SH3RF3: variants seen among roughly 807,000 people sequenced by gnomAD.
The protein encoded by SH3RF3 is SH3 domain containing ring finger 3, also known as E3 ubiquitin-protein ligase SH3RF3.
SH3RF3 carries 29 observed loss-of-function variants against 66.3 expected under a neutral mutation model. The ratio of observed to expected loss-of-function variants is 0.44; its 90% CI spans 0.33 to 0.60. The LOEUF is 0.60. SH3RF3 is among the 20% of genes least tolerant of loss of function. SH3RF3 has a pLI of 0.04. For synonymous variants in SH3RF3, 583 were observed against 532.0 expected (o/e 1.10, Z -1.32); for missense variants, 1,194 against 1,190.9 (o/e 1.00, Z -0.04).
chr2:109,413,242 G>A (rs577433618), intron 4 of SH3RF3, among the ~76,000 whole-genome samples: 4 of 152,202 alleles, frequency 2.6e-5, no homozygotes, highest in Non-Finnish European at 5.9e-5. Flanking sequence ...AGCCTCCCAA[G>A]TAACTGGGAT....
intron 3 of SH3RF3, among the ~76,000 whole-genome samples, chr2:109,391,556 G>A (rs1675997762): frequency 6.6e-6 from 1 of 152,246 alleles, no homozygotes; most frequent in Non-Finnish European, 1.5e-5. Flanking sequence ...CTCCTCCAGG[G>A]TAGAAGCCTC....
chr2:109,146,127 T>C (rs1364655289), intron 1 of SH3RF3, among the ~76,000 whole-genome samples: 1 of 152,214 alleles, frequency 6.6e-6, no homozygotes, highest in African/African-American at 2.4e-5. Flanking sequence ...GTGTCACCAC[T>C]GTTACTGTTC....
chr2:109,385,596 G>C lies in SH3RF3; in HGVS notation c.946-12994G>C, dbSNP rs7605559. Among the ~76,000 whole-genome samples, 3 of 152,062 alleles carry C rather than the reference G, an allele frequency of 2.0e-5. No individual in the cohort carries two copies. In the East Asian group the frequency reaches 5.8e-4, roughly 29 times the overall value. ...AAGGAGCCTGTTTGAAATAATCAGC[G>C]CTTTTGGGAAAGGGACAACCAGTGT... On this transcript the variant is annotated intron_variant, in intron 3 of 9. Transcript: ENST00000309415.
chr2:109,235,804 G>T (rs1443138135), intron 1 of SH3RF3, among the ~76,000 whole-genome samples: 2 of 152,140 alleles, frequency 1.3e-5, no homozygotes, highest in African/African-American at 4.8e-5. Context: ...TCATCTTCAC[G>T]TGCACTCGGC....
At chr2:109,137,071 T>C (rs1175182728) in intron 1 of SH3RF3, among the ~76,000 whole-genome samples, 1 of 152,220 alleles carries the variant, frequency 6.6e-6, no homozygotes, top group Non-Finnish European at 1.5e-5. Context: ...CTATTTATAA[T>C]GAAATGTAAT....
In SH3RF3 at chr2:109,417,764, C is replaced by T. The variant is rs886669798; in HGVS notation, c.1300-1775C>T. On this transcript the variant is annotated intron_variant, in intron 4 of 9. Coordinates refer to ENST00000309415, the MANE Select transcript of SH3RF3 (RefSeq NM_001099289.3). ...AAGAAATCGTTTCTGACTTTGTAGA[C>T]ACTGCCCATGTAGCATGGTTTCAGG... is the stretch of plus-strand genomic sequence containing the variant. Among the ~76,000 whole-genome samples, 15 of 152,162 alleles carry T rather than the reference C, an allele frequency of 9.9e-5. No individual in the cohort carries two copies. The South Asian group carries it at 3.1e-3, about 32-fold the overall frequency.
chr2:109,205,011 C>T (rs529256725), intron 1 of SH3RF3, among the ~76,000 whole-genome samples: 33 of 152,120 alleles, frequency 2.2e-4, no homozygotes, highest in Middle Eastern at 3.4e-3. Context: ...AGGTTGAGAC[C>T]GGCCTGGTCA....
chr2:109,472,444 C>T (rs1041557142), intron 8 of SH3RF3, among the ~76,000 whole-genome samples: 5 of 152,086 alleles, frequency 3.3e-5, no homozygotes, highest in Non-Finnish European at 4.4e-5. Context: ...CGGGGCTTCC[C>T]GACGGGGCTT....
chr2:109,366,435 G>A (rs55944430), intron 2 of SH3RF3, among the ~76,000 whole-genome samples: 2,903 of 152,224 alleles, frequency 0.019, 89 homozygotes, highest in African/African-American at 0.066. Flanking sequence ...AGTGTGGTGA[G>A]TTCACTACCA....
rs1016906664 is a variant in SH3RF3 at position 109,130,529 on chromosome 2, T to C, written c.573+416T>C. ...CTTAACGTTTCTGACAGGGCTCTGATGGCTGCTCTGGGAAGCCCGCGGGCC... is the reference window on the plus strand; with the variant it reads ...CTTAACGTTTCTGACAGGGCTCTGACGGCTGCTCTGGGAAGCCCGCGGGCC... On this transcript the variant is annotated intron_variant, in intron 1 of 9. Coordinates refer to ENST00000309415, the MANE Select transcript of SH3RF3 (RefSeq NM_001099289.3). Among the ~76,000 whole-genome samples, 39 of 152,116 alleles carry C rather than the reference T, an allele frequency of 2.6e-4. 1 individual carries two copies. Among genetic ancestry groups the C allele is most frequent in the African/African-American group, 9.4e-4 (39 of 41,422 alleles).
At chr2:109,325,622 C>T (rs1365371229) in intron 1 of SH3RF3, among the ~76,000 whole-genome samples, 1 of 152,154 alleles carries the variant, frequency 6.6e-6, no homozygotes, top group Non-Finnish European at 1.5e-5. Context: ...ACTCACTCAC[C>T]ACTTCCCAAA....
intron 1 of SH3RF3, among the ~76,000 whole-genome samples, chr2:109,187,486 A>G (rs1197271680): frequency 6.6e-6 from 1 of 152,192 alleles, no homozygotes; most frequent in Non-Finnish European, 1.5e-5. Flanking sequence ...ACTGTGTGAT[A>G]AGATTATATC....
chr2:109,455,308 C>T (rs1678019408), intron 8 of SH3RF3, among the ~76,000 whole-genome samples: 1 of 152,160 alleles, frequency 6.6e-6, no homozygotes, highest in South Asian at 2.1e-4. Context: ...ACATTGGACC[C>T]AGCCACAGCC....
chr2:109,315,194 C>T (rs531106529), intron 1 of SH3RF3, among the ~76,000 whole-genome samples: 41 of 152,274 alleles, frequency 2.7e-4, no homozygotes, highest in African/African-American at 9.4e-4. Flanking sequence ...TCTCTGGGTC[C>T]CCCTTGTCAA....
intron 8 of SH3RF3, among the ~76,000 whole-genome samples, chr2:109,479,599 C>T (rs1678780025): frequency 1.3e-5 from 2 of 152,146 alleles, no homozygotes; most frequent in South Asian, 2.1e-4. Flanking sequence ...CAGGTGTGCC[C>T]GTACAGGACT....
chr2:109,411,987 C>T (rs1424864912), intron 4 of SH3RF3, among the ~76,000 whole-genome samples: 1 of 152,206 alleles, frequency 6.6e-6, no homozygotes, highest in Non-Finnish European at 1.5e-5. Context: ...GCCAAGGCCC[C>T]AGACCCCTGA....
intron 8 of SH3RF3, among the ~76,000 whole-genome samples, chr2:109,468,033 A>G (rs190851903): frequency 6.6e-6 from 1 of 152,386 alleles, no homozygotes; most frequent in East Asian, 1.9e-4. Flanking sequence ...GACACACATC[A>G]CATTTGCCCA....
At chr2:109,148,224 T>A (rs1221981239) in intron 1 of SH3RF3, among the ~76,000 whole-genome samples, 1 of 152,194 alleles carries the variant, frequency 6.6e-6, no homozygotes. Flanking sequence ...GCAAATTGGG[T>A]ACCTTCTGCA....
intron 1 of SH3RF3, among the ~76,000 whole-genome samples, chr2:109,299,076 C>T (rs1681394612): frequency 6.6e-6 from 1 of 152,192 alleles, no homozygotes; most frequent in East Asian, 1.9e-4. Flanking sequence ...CTGTCTTCCC[C>T]ACAAGCCACT....
Sources: allele counts gnomAD v4.1 joint callset (sites outside exome capture counted in the v4.1 genomes callset), GRCh38; gene constraint gnomAD v4.1.1; transcripts MANE v1.5; gene names NCBI Gene and HGNC (gene_info 2026-07-23, HGNC 2026-07-21).